Variants in NTSR1 observed in about 807,000 individuals in gnomAD.
NTSR1 encodes the protein neurotensin receptor 1.
NTSR1 carries 29 observed loss-of-function variants against 31.2 expected under a neutral mutation model. The ratio of observed to expected loss-of-function variants is 0.93; its 90% CI spans 0.69 to 1.27. The LOEUF (loss-of-function observed/expected upper bound fraction) is 1.27. NTSR1 is among the 50% of genes most tolerant of loss of function. The probability of loss-of-function intolerance (pLI) is 0.00; values close to 1 mark genes in which losing one functional copy is unlikely to be tolerated. For missense variants in NTSR1, 697 were observed against 595.4 expected, an observed-to-expected ratio of 1.17 and a Z score of -1.78; for synonymous variants, 282 against 269.9, an observed-to-expected ratio of 1.04 and a Z score of -0.44.
In NTSR1 at chr20:62,708,896, C is replaced by T; in HGVS notation, c.-312C>T. Reference sequence around the variant, plus strand: ...CGCTGTCCTCGGGGGCCTGGGGAACCGCGCGGTTTGGAGATCGGAGGCACC... The same window carrying T: ...CGCTGTCCTCGGGGGCCTGGGGAACTGCGCGGTTTGGAGATCGGAGGCACC... On this transcript the variant is annotated 5_prime_UTR_variant, in exon 1 of 4. Coordinates refer to ENST00000370501, the MANE Select transcript of NTSR1 (RefSeq NM_002531.3). The surrounding 1 kb of genome is among the most constrained non-coding windows in gnomAD (Gnocchi z 5.9). 1 of 324,298 alleles carries T rather than the reference C, an allele frequency of 3.1e-6. No homozygotes were observed. The highest frequency in any genetic ancestry group is 5.6e-6 in the Non-Finnish European group (1 of 179,530). 20.1% of individuals were successfully genotyped at this position (324,298 alleles called of 1,614,324 possible).
chr20:62,750,386 C>T (rs1304961443), intron 1 of NTSR1, among the ~76,000 whole-genome samples: 3 of 152,054 alleles, frequency 2.0e-5, no homozygotes, highest in Non-Finnish European at 4.4e-5. Context: ...GTGTGAGGAC[C>T]AGAGTTAACA....
At chr20:62,757,601 C>T (rs914810949) in intron 2 of NTSR1, among the ~76,000 whole-genome samples, 22 of 152,208 alleles carry the variant, frequency 1.4e-4, no homozygotes, top group African/African-American at 3.6e-4. Flanking sequence ...AAATTTGATA[C>T]GGATTGCATT....
At chr20:62,754,415 C>T (rs1253048175) in intron 1 of NTSR1, among the ~76,000 whole-genome samples, 2 of 152,272 alleles carry the variant, frequency 1.3e-5, no homozygotes, top group East Asian at 3.9e-4. Context: ...GCGGGACCCT[C>T]GGGAGGGACT....
At chr20:62,738,078 C>A (rs1211170847) in intron 1 of NTSR1, among the ~76,000 whole-genome samples, 1 of 152,184 alleles carries the variant, frequency 6.6e-6, no homozygotes, top group East Asian at 1.9e-4. Context: ...CCCTCCCCCT[C>A]CTCTGCCTAT....
chr20:62,734,822 G>A (rs763541492), intron 1 of NTSR1, among the ~76,000 whole-genome samples: 3 of 152,234 alleles, frequency 2.0e-5, no homozygotes, highest in Non-Finnish European at 4.4e-5. Flanking sequence ...ATAAGATATC[G>A]TATTAAAATT....
chr20:62,750,887 A>T (rs1165773322), intron 1 of NTSR1, among the ~76,000 whole-genome samples: 1 of 151,712 alleles, frequency 6.6e-6, no homozygotes. Flanking sequence ...AGATACAAAT[A>T]TTTTTGCGAT....
chr20:62,752,888 C>T (rs1989418024), intron 1 of NTSR1, among the ~76,000 whole-genome samples: 1 of 152,038 alleles, frequency 6.6e-6, no homozygotes, highest in Admixed American at 6.6e-5. Flanking sequence ...AGCAGGAGAA[C>T]AGGAGGGACG....
intron 1 of NTSR1, among the ~76,000 whole-genome samples, chr20:62,739,083 T>C (rs1056231943): frequency 1.3e-5 from 2 of 152,226 alleles, no homozygotes; most frequent in African/African-American, 4.8e-5. Flanking sequence ...AAGCCCTGCG[T>C]GGCTGTGAGG....
intron 1 of NTSR1, among the ~76,000 whole-genome samples, chr20:62,728,167 G>A (rs6010969): frequency 0.57 from 86,611 of 152,028 alleles, 25,336 homozygotes; most frequent in East Asian, 0.76. Context: ...GGGCTGAGTC[G>A]GCTTTGAAGT....
chr20:62,709,247 C>G lies in NTSR1; in HGVS notation c.40C>G (p.Pro14Ala), dbSNP rs952362238. ...NSSAPGTPGT[P>A]AADPFQRAQA... ...CTCCGCGCCGGGAACCCCGGGCACG[C>G]CGGCCGCCGACCCCTTCCAGCGGGC... The change falls in exon 1 of 4, where the codon CCG becomes GCG. Residue 14 changes from proline to alanine, a missense_variant. Physicochemically the swap from Pro to Ala is conservative, Grantham distance 27. Transcript: ENST00000370501. The G allele has an allele frequency of 1.3e-6, 2 of 1,511,716 alleles. No individual in the cohort carries two copies. Among genetic ancestry groups the G allele is most frequent in the South Asian group, 2.5e-5 (2 of 79,960 alleles). 93.6% of individuals were successfully genotyped at this position (1,511,716 alleles called of 1,614,324 possible).
intron 1 of NTSR1, among the ~76,000 whole-genome samples, chr20:62,727,992 G>A (rs559848032): frequency 4.8e-4 from 73 of 152,264 alleles, no homozygotes; most frequent in Non-Finnish European, 9.4e-4. Context: ...AGGCCTCAGG[G>A]CTGCCCCAGG....
chr20:62,748,904 G>C (rs750459545), intron 1 of NTSR1, among the ~76,000 whole-genome samples: 22 of 152,134 alleles, frequency 1.4e-4, no homozygotes, highest in Non-Finnish European at 3.1e-4. Context: ...CCCATGCCAC[G>C]GCGGAACTTT....
chr20:62,751,819 G>GGT (rs1430552415), intron 1 of NTSR1, among the ~76,000 whole-genome samples: 5 of 152,206 alleles, frequency 3.3e-5, no homozygotes, highest in African/African-American at 1.2e-4. Flanking sequence ...AGCTTCCTGT[G>GGT]GTCCAGGCCG....
chr20:62,729,308 C>A (rs1988964181), intron 1 of NTSR1, among the ~76,000 whole-genome samples: 3 of 152,232 alleles, frequency 2.0e-5, no homozygotes, highest in Admixed American at 2.0e-4. Flanking sequence ...TCAACACAGG[C>A]TCTGTGGCTT....
chr20:62,735,382 G>C (rs933429625), intron 1 of NTSR1: 1 of 152,210 alleles, frequency 6.6e-6, no homozygotes, highest in Non-Finnish European at 1.5e-5. Context: ...CGGAAGAGGT[G>C]GGACTGCGAG....
intron 1 of NTSR1, among the ~76,000 whole-genome samples, chr20:62,737,457 T>G (rs1989117154): frequency 6.6e-6 from 1 of 152,188 alleles, no homozygotes; most frequent in Non-Finnish European, 1.5e-5. Flanking sequence ...GCTGCACCCC[T>G]GCTCATCAGG....
At chr20:62,746,365 G>A (rs1989301374) in intron 1 of NTSR1, among the ~76,000 whole-genome samples, 1 of 152,242 alleles carries the variant, frequency 6.6e-6, no homozygotes, top group Non-Finnish European at 1.5e-5. Flanking sequence ...GCTGCCGCCA[G>A]CATCGCTGTG....
At chr20:62,755,960 CATCT>C (rs1371395465) in intron 2 of NTSR1, among the ~76,000 whole-genome samples, 1 of 147,536 alleles carries the variant, frequency 6.8e-6, no homozygotes, top group Non-Finnish European at 1.5e-5. Flanking sequence ...TCCCTCCCTC[CATCT>C]ATCCATCTCT....
At chr20:62,727,909 G>A (rs894893934) in intron 1 of NTSR1, among the ~76,000 whole-genome samples, 5 of 152,242 alleles carry the variant, frequency 3.3e-5, no homozygotes, top group Admixed American at 6.5e-5. Flanking sequence ...CGCTCCCGGC[G>A]TGGGCCGACC....
Sources: allele counts gnomAD v4.1 joint callset (sites outside exome capture counted in the v4.1 genomes callset), GRCh38; gene constraint gnomAD v4.1.1; non-coding constraint Gnocchi (gnomAD v3.1); transcripts MANE v1.5; gene names NCBI Gene and HGNC (gene_info 2026-07-23, HGNC 2026-07-21).